Variants in GABRB1 observed in about 807,000 individuals in gnomAD.
The protein encoded by GABRB1 is gamma-aminobutyric acid receptor subunit beta-1.
In GABRB1, 17 loss-of-function variants were observed where a neutral mutation model predicts 51.6. That is an observed-to-expected ratio of 0.33 (90% CI 0.23 to 0.49). GABRB1 has a LOEUF of 0.49. Ranked by LOEUF, GABRB1 falls within the 20% of genes least tolerant of loss-of-function variation. GABRB1 has a pLI of 0.99. For missense variants in GABRB1, 410 were observed against 600.6 expected (o/e 0.68, Z 3.32); for synonymous variants, 247 against 218.9 (o/e 1.13, Z -1.14).
At chr4:47,210,557 A>G (rs887177406) in intron 4 of GABRB1, among the ~76,000 whole-genome samples, 1 of 152,192 alleles carries the variant, frequency 6.6e-6, no homozygotes, top group Non-Finnish European at 1.5e-5. Flanking sequence ...GAATAGGGAT[A>G]CTAAGCACTA....
chr4:47,196,492 G>A (rs1309965387), intron 4 of GABRB1, among the ~76,000 whole-genome samples: 1 of 152,168 alleles, frequency 6.6e-6, no homozygotes, highest in Non-Finnish European at 1.5e-5. Flanking sequence ...AGAACATGGA[G>A]CATATGCAAG....
At chr4:47,353,754 C>T (rs1451410550) in intron 5 of GABRB1, among the ~76,000 whole-genome samples, 7 of 152,178 alleles carry the variant, frequency 4.6e-5, no homozygotes, top group Admixed American at 3.3e-4. Flanking sequence ...TTATCACCTT[C>T]GACATTCCCA....
At chr4:47,418,461 C>A (rs1362724979) in intron 8 of GABRB1, among the ~76,000 whole-genome samples, 1 of 152,166 alleles carries the variant, frequency 6.6e-6, no homozygotes, top group Non-Finnish European at 1.5e-5. Context: ...TAGCATGAGG[C>A]CCACCCACAT....
At chr4:47,290,317 C>G (rs1723675965) in intron 4 of GABRB1, among the ~76,000 whole-genome samples, 1 of 152,196 alleles carries the variant, frequency 6.6e-6, no homozygotes, top group Admixed American at 6.5e-5. Flanking sequence ...GCTCTCTTCT[C>G]TTGTGTGCCA....
At chr4:47,091,254 A>T (rs1728279316) in intron 3 of GABRB1, among the ~76,000 whole-genome samples, 1 of 152,134 alleles carries the variant, frequency 6.6e-6, no homozygotes, top group Admixed American at 6.5e-5. Flanking sequence ...ATTTCTGAAA[A>T]ATATATATAT....
chr4:47,041,752 C>G (rs1725854483), intron 3 of GABRB1, among the ~76,000 whole-genome samples: 1 of 152,078 alleles, frequency 6.6e-6, no homozygotes, highest in Admixed American at 6.5e-5. Context: ...AGGGAAATAG[C>G]TTTGTTGTCT....
intron 5 of GABRB1, among the ~76,000 whole-genome samples, chr4:47,395,882 C>T (rs1212902899): frequency 3.9e-5 from 6 of 151,950 alleles, no homozygotes; most frequent in Non-Finnish European, 8.8e-5. Context: ...CATATATTAG[C>T]ATGTTGCAAC....
At chr4:47,403,062 A>C in intron 5 of GABRB1, among the ~76,000 whole-genome samples, 1 of 152,190 alleles carries the variant, frequency 6.6e-6, no homozygotes, top group East Asian at 1.9e-4. Flanking sequence ...AATAAGAATA[A>C]ATTTGCAGCA....
rs1718054412 is a variant in GABRB1 at position 47,163,609 on chromosome 4, T to C, written c.461+2140T>C. 5.9e-5 allele frequency among the ~76,000 whole-genome samples: 9 copies of C among 152,006 alleles called. No individual in the cohort carries two copies. The South Asian group carries it at 1.9e-3, about 32-fold the overall frequency. ...AGTGCTATATTCATGATTTGGGTGATGGGTTTAACAGAAGCCCAAACCTCA... is the reference window on the plus strand; with the variant it reads ...AGTGCTATATTCATGATTTGGGTGACGGGTTTAACAGAAGCCCAAACCTCA... On this transcript the variant is annotated intron_variant, in intron 4 of 8. Coordinates refer to ENST00000295454, the MANE Select transcript of GABRB1 (RefSeq NM_000812.4).
chr4:47,095,229 A>C (rs1192631098), intron 3 of GABRB1, among the ~76,000 whole-genome samples: 1 of 151,916 alleles, frequency 6.6e-6, no homozygotes, highest in East Asian at 1.9e-4. Flanking sequence ...CAACTCTCAT[A>C]ACACCAGTTT....
At chr4:47,320,069 G>T in intron 4 of GABRB1, 58 bp from the exon 5 acceptor site, 5 of 1,188,986 alleles carry the variant, frequency 4.2e-6, no homozygotes, top group Non-Finnish European at 6.3e-6. Flanking sequence ...TAGGAAGCCT[G>T]GAAATGAAAT....
rs558870823 is a variant in GABRB1 at position 47,389,370 on chromosome 4, T to C, written c.545-13948T>C. 5.3e-5 allele frequency among the ~76,000 whole-genome samples: 8 copies of C among 152,334 alleles called. No homozygotes were observed. The South Asian group carries it at 1.7e-3, about 32-fold the overall frequency. On this transcript the variant is annotated intron_variant, in intron 5 of 8. Transcript: ENST00000295454. ...CTAGGTGCATGAGCTGTAAGGTTTG[T>C]TTCATTTGCAAGCGGGCTGCCAGTG... is the stretch of plus-strand genomic sequence containing the variant.
chr4:47,268,570 A>G (rs1245715362), intron 4 of GABRB1, among the ~76,000 whole-genome samples: 5 of 152,156 alleles, frequency 3.3e-5, no homozygotes, highest in Admixed American at 6.6e-5. Context: ...ACTATTCGCT[A>G]AGCTCCCCAA....
chr4:47,104,828 T>C (rs1460964199), intron 3 of GABRB1, among the ~76,000 whole-genome samples: 1 of 152,068 alleles, frequency 6.6e-6, no homozygotes, highest in Non-Finnish European at 1.5e-5. Flanking sequence ...CTTAGCTGAG[T>C]ATGAATGCTG....
At chr4:47,177,533 AT>A (rs2109764369) in intron 4 of GABRB1, among the ~76,000 whole-genome samples, 1 of 152,268 alleles carries the variant, frequency 6.6e-6, no homozygotes, top group African/African-American at 2.4e-5. Context: ...AGTGACCCTA[AT>A]GTGAAAAATG....
chr4:47,086,745 G>A (rs932651203), intron 3 of GABRB1, among the ~76,000 whole-genome samples: 2 of 152,084 alleles, frequency 1.3e-5, no homozygotes, highest in Non-Finnish European at 2.9e-5. Context: ...GAATGGCTTG[G>A]AGCCCAAAAG....
At chr4:47,374,795 A>G (rs1474005786) in intron 5 of GABRB1, among the ~76,000 whole-genome samples, 1 of 152,216 alleles carries the variant, frequency 6.6e-6, no homozygotes, top group Non-Finnish European at 1.5e-5. Flanking sequence ...ATCTGTACAC[A>G]TTTAATGTGT....
At chr4:47,333,209 TATATATATATATATATATATATATATAC>T (rs1461483005) in intron 5 of GABRB1, among the ~76,000 whole-genome samples, 4 of 25,252 alleles carry the variant, frequency 1.6e-4, no homozygotes, top group Non-Finnish European at 1.7e-4. Flanking sequence ...TATATATATA[TATATATATATATATATATATATATATAC>T]ACACCACGTA....
chr4:47,314,901 C>T (rs932964175), intron 4 of GABRB1, among the ~76,000 whole-genome samples: 2 of 151,858 alleles, frequency 1.3e-5, no homozygotes, highest in Non-Finnish European at 2.9e-5. Context: ...GGATTAAAGA[C>T]TTAAATGTAA....
Sources: gnomAD v4.1 joint callset for allele counts (sites outside exome capture counted in the v4.1 genomes callset) on GRCh38, gnomAD v4.1.1 for gene constraint, MANE v1.5 for transcripts, NCBI Gene and HGNC (gene_info 2026-07-23, HGNC 2026-07-21) for gene names.